IQUB: variants seen among roughly 807,000 people sequenced by gnomAD.
The protein encoded by IQUB is IQ motif and ubiquitin-like domain-containing protein.
IQUB carries 86 observed loss-of-function variants against 86.4 expected under a neutral mutation model. The ratio of observed to expected loss-of-function variants is 1.00; its 90% CI spans 0.84 to 1.19. The LOEUF is 1.19. IQUB is among the 50% of genes most tolerant of loss of function. The probability of loss-of-function intolerance (pLI) is 0.00; values close to 1 mark genes in which losing one functional copy is unlikely to be tolerated. For synonymous variants in IQUB, 289 were observed against 304.5 expected, an observed-to-expected ratio of 0.95 and a Z score of 0.53; for missense variants, 946 against 916.9, an observed-to-expected ratio of 1.03 and a Z score of -0.41.
At chr7:123,462,638 G>GACA (rs1794049313) in intron 10 of IQUB, 1 of 257,226 alleles carries the variant, frequency 3.9e-6, no homozygotes, top group Admixed American at 4.3e-5. Context: ...AGATCAAGAA[G>GACA]ACAACTTATC....
At chr7:123,507,748 C>T (rs1796246436) in intron 3 of IQUB, among the ~76,000 whole-genome samples, 1 of 151,868 alleles carries the variant, frequency 6.6e-6, no homozygotes, top group African/African-American at 2.4e-5. Context: ...TGGCACATCC[C>T]TGTAGTCCCA....
At position 123,508,433 on chromosome 7, in the gene IQUB, AT is replaced by A. The variant is rs77174254; in HGVS notation, c.532+1467del. 2.6e-5 allele frequency among the ~76,000 whole-genome samples: 4 copies of A among 152,116 alleles called. No individual in the cohort carries two copies. In the East Asian group the frequency reaches 7.7e-4, roughly 29 times the overall value. On this transcript the variant is annotated intron_variant, in intron 3 of 12. Coordinates refer to ENST00000324698, the MANE Select transcript of IQUB (RefSeq NM_178827.5). ...ATACAGGGTCCCCAGAGCCCCCTTT[AT>A]TTCTCTACTTATTTCTGTAATAGGC... is the stretch of plus-strand genomic sequence containing the variant.
chr7:123,474,673 C>G (rs1261015991), intron 8 of IQUB, among the ~76,000 whole-genome samples: 2 of 152,196 alleles, frequency 1.3e-5, no homozygotes, highest in African/African-American at 4.8e-5. Context: ...TTTTTAAACA[C>G]TGGACTAATT....
chr7:123,527,994 C>G (rs980138720), intron 1 of IQUB, among the ~76,000 whole-genome samples: 1 of 152,224 alleles, frequency 6.6e-6, no homozygotes, highest in Non-Finnish European at 1.5e-5. Flanking sequence ...CCCTCCGAGC[C>G]GGGTGGGGGA....
rs1797004328 is a variant in IQUB, at chr7:123,523,292, T to C, written c.-4-10948A>G. Among the ~76,000 whole-genome samples the C allele has an allele frequency of 1.5e-5, 2 of 135,510 alleles. 1 individual carries two copies. Among genetic ancestry groups the C allele is most frequent in the Non-Finnish European group, 3.2e-5 (2 of 61,632 alleles). 88.9% of individuals were successfully genotyped at this position (135,510 alleles called of 152,430 possible). On this transcript the variant is annotated intron_variant, in intron 1 of 12. Transcript: ENST00000324698. ...GGAATCGCCACACTGACTTCCACAA[T>C]GGTCAAACTAGTTTACAGTCCCACC...
rs970197567 is a variant in IQUB, at chr7:123,462,651, G to A, written c.1759-1046C>T. ...AAAGATCAAGAAGACAACTTATCTG[G>A]TTCCTTTTCTTATTCTGAGATTTAC... On this transcript the variant is annotated intron_variant, in intron 10 of 12. Coordinates refer to ENST00000324698, the MANE Select transcript of IQUB (RefSeq NM_178827.5). 3.4e-5 allele frequency: 9 copies of A among 264,902 alleles called. No homozygotes were observed. In the Admixed American group the frequency reaches 3.8e-4, roughly 11 times the overall value. 16.4% of individuals were successfully genotyped at this position (264,902 alleles called of 1,614,324 possible).
At chr7:123,506,628 A>G (rs888839512) in intron 3 of IQUB, among the ~76,000 whole-genome samples, 3 of 152,100 alleles carry the variant, frequency 2.0e-5, no homozygotes, top group Middle Eastern at 3.2e-3. Flanking sequence ...TATCACAAGA[A>G]CAACAAGGGG....
At chr7:123,464,518 C>T (rs904271573) in intron 10 of IQUB, among the ~76,000 whole-genome samples, 2 of 151,796 alleles carry the variant, frequency 1.3e-5, no homozygotes, top group Non-Finnish European at 2.9e-5. Flanking sequence ...GAATAGCATT[C>T]CAGGGGAAAC....
intron 1 of IQUB, among the ~76,000 whole-genome samples, chr7:123,531,271 C>G (rs1458749901): frequency 6.6e-6 from 1 of 151,982 alleles, no homozygotes; most frequent in Admixed American, 6.6e-5. Flanking sequence ...CCGTGAGGAC[C>G]ATATAGTAAA....
At chr7:123,524,870 G>A (rs973212420) in intron 1 of IQUB, among the ~76,000 whole-genome samples, 38 of 151,052 alleles carry the variant, frequency 2.5e-4, no homozygotes, top group African/African-American at 7.5e-4. Context: ...TTTCAGATAC[G>A]TCCCATCAAT....
chr7:123,521,651 A>AACACACACACACACACACACAC (rs150359350), intron 1 of IQUB, among the ~76,000 whole-genome samples: 1 of 144,312 alleles, frequency 6.9e-6, no homozygotes, highest in African/African-American at 2.6e-5. Context: ...TGTCTAAATA[A>AACACACACACACACACACACAC]ACACACACAC....
At chr7:123,514,407 A>G (rs185052976) in intron 1 of IQUB, among the ~76,000 whole-genome samples, 1 of 152,322 alleles carries the variant, frequency 6.6e-6, no homozygotes, top group Admixed American at 6.5e-5. Flanking sequence ...AAGGAGGAAA[A>G]TGATTTCAAG....
intron 12 of IQUB, among the ~76,000 whole-genome samples, chr7:123,456,295 A>G (rs1793693554): frequency 6.6e-6 from 1 of 152,106 alleles, no homozygotes; most frequent in African/African-American, 2.4e-5. Flanking sequence ...AGCTTTGGGA[A>G]TGAACTTCAA....
At chr7:123,486,567 A>T (rs924157245) in intron 7 of IQUB, among the ~76,000 whole-genome samples, 1 of 152,196 alleles carries the variant, frequency 6.6e-6, no homozygotes, top group African/African-American at 2.4e-5. Context: ...TCCTTAGTAA[A>T]TATTTATTAA....
intron 1 of IQUB, among the ~76,000 whole-genome samples, chr7:123,528,486 G>A (rs1797369145): frequency 6.6e-6 from 1 of 152,172 alleles, no homozygotes; most frequent in Non-Finnish European, 1.5e-5. Flanking sequence ...AGAACCCAGA[G>A]CTAGTAGGCA....
At chr7:123,502,876 G>A (rs2117205526) in intron 5 of IQUB, 68 bp downstream of exon 5, 1 of 1,427,978 alleles carries the variant, frequency 7.0e-7, no homozygotes, top group Non-Finnish European at 9.5e-7. Flanking sequence ...AGAAATTTGA[G>A]AGAGTCATAC....
rs377185751 is a variant in IQUB at position 123,512,296 on chromosome 7, A to C, written c.45T>G (p.Asn15Lys). 2 of 1,606,136 alleles carry C rather than the reference A, an allele frequency of 1.2e-6. No individual in the cohort carries two copies. The highest frequency in any genetic ancestry group is 1.7e-6 in the Non-Finnish European group (2 of 1,173,974). The change falls in exon 2 of 13, where the codon AAT (asparagine) becomes AAG (lysine). Residue 15 changes from asparagine to lysine, a missense_variant. Asn to Lys is a moderately conservative substitution (Grantham distance 94, BLOSUM62 0). Coordinates refer to ENST00000324698, the MANE Select transcript of IQUB (RefSeq NM_178827.5). ...QEKYEAQNIV[N>K]STEESDDAFD... ...AAGCATCATCACTCTCTTCTGTTGA[A>C]TTGACTATATTCTGAGCTTCATACT...
intron 8 of IQUB, among the ~76,000 whole-genome samples, chr7:123,472,228 A>T (rs1794554300): frequency 1.3e-5 from 2 of 151,194 alleles, no homozygotes; most frequent in Non-Finnish European, 2.9e-5. Context: ...ACAGTGCAAG[A>T]CCCCAACTCA....
At chr7:123,498,793 C>T (rs143162078) in intron 6 of IQUB, among the ~76,000 whole-genome samples, 1 of 152,316 alleles carries the variant, frequency 6.6e-6, no homozygotes, top group East Asian at 1.9e-4. Context: ...TCCCTCACAT[C>T]TCGCTGTCCA....
Sources: gnomAD v4.1 joint callset for allele counts (sites outside exome capture counted in the v4.1 genomes callset) on GRCh38, gnomAD v4.1.1 for gene constraint, MANE v1.5 for transcripts, NCBI Gene and HGNC (gene_info 2026-07-23, HGNC 2026-07-21) for gene names.